The following DTNA variants were observed in gnomAD, a reference collection of about 807,000 sequenced individuals.
DTNA encodes the protein dystrobrevin alpha, also known as dystrophin-related protein 3.
Under a neutral mutation model 100.7 loss-of-function variants are expected in DTNA, and 43 were observed. That is an observed-to-expected ratio of 0.43 (90% CI 0.33 to 0.55). The LOEUF is 0.55. Among genes scored for constraint, DTNA ranks in the 20% least tolerant of loss-of-function variants. The pLI, the probability that DTNA is intolerant of heterozygous loss-of-function variation, is 0.04. For synonymous variants in DTNA, 349 were observed against 347.9 expected, an observed-to-expected ratio of 1.00 and a Z score of -0.04; for missense variants, 798 against 953.9, an observed-to-expected ratio of 0.84 and a Z score of 2.15.
At chr18:34,528,560 G>A (rs1352644826) in intron 1 of DTNA, among the ~76,000 whole-genome samples, 1 of 152,000 alleles carries the variant, frequency 6.6e-6, no homozygotes, top group Non-Finnish European at 1.5e-5. Flanking sequence ...AACTGCGAGT[G>A]TGTTAGGTTG....
intron 1 of DTNA, among the ~76,000 whole-genome samples, chr18:34,553,511 A>T (rs1601778090): frequency 6.6e-6 from 1 of 151,936 alleles, no homozygotes; most frequent in East Asian, 1.9e-4. Flanking sequence ...TTATGGTTTT[A>T]GGTCTAACGA....
intron 1 of DTNA, among the ~76,000 whole-genome samples, chr18:34,603,083 G>A (rs117935453): frequency 0.013 from 1,949 of 151,754 alleles, 22 homozygotes; most frequent in Non-Finnish European, 0.02. Flanking sequence ...TTAGCTGAGC[G>A]TGGTGGTGTG....
chr18:34,585,305 T>C (rs2146766023), intron 1 of DTNA, among the ~76,000 whole-genome samples: 1 of 152,268 alleles, frequency 6.6e-6, no homozygotes, highest in East Asian at 1.9e-4. Context: ...AAGAGGAATG[T>C]TGCATTTCTA....
chr18:34,711,980 G>C (rs1434721503), intron 1 of DTNA, among the ~76,000 whole-genome samples: 1 of 152,028 alleles, frequency 6.6e-6, no homozygotes, highest in Non-Finnish European at 1.5e-5. Flanking sequence ...CAAAACATGA[G>C]ATATTTTCAT....
At chr18:34,727,249 C>T (rs2086926183) in intron 1 of DTNA, among the ~76,000 whole-genome samples, 1 of 152,206 alleles carries the variant, frequency 6.6e-6, no homozygotes. Flanking sequence ...GAGGACTGTC[C>T]TGAAGCCTTC....
chr18:34,823,547 G>A (rs1408065967), intron 9 of DTNA, among the ~76,000 whole-genome samples: 4 of 152,194 alleles, frequency 2.6e-5, no homozygotes, highest in African/African-American at 9.7e-5. Flanking sequence ...TATTGTCATA[G>A]TGCAGAAATG....
At chr18:34,698,428 C>T (rs2080903621) in intron 1 of DTNA, among the ~76,000 whole-genome samples, 1 of 152,198 alleles carries the variant, frequency 6.6e-6, no homozygotes, top group Non-Finnish European at 1.5e-5. Context: ...TTCCAGTAGT[C>T]CTGGCATTCC....
intron 3 of DTNA, among the ~76,000 whole-genome samples, chr18:34,778,829 T>C (rs143686054): frequency 0.099 from 14,994 of 152,130 alleles, 941 homozygotes; most frequent in South Asian, 0.15. Context: ...GTTGTTGTTG[T>C]TGTTTTGAGA....
At chr18:34,586,800 G>A (rs568192015) in intron 1 of DTNA, among the ~76,000 whole-genome samples, 34 of 152,250 alleles carry the variant, frequency 2.2e-4, no homozygotes, top group Admixed American at 1.6e-3. Context: ...GTTCAAATAA[G>A]TAATCCAATA....
At chr18:34,507,321 C>T (rs2040589043) in intron 1 of DTNA, among the ~76,000 whole-genome samples, 1 of 152,112 alleles carries the variant, frequency 6.6e-6, no homozygotes, top group South Asian at 2.1e-4. Context: ...TAGTTTTGGA[C>T]CAGTACGTGC....
rs565330578 is a variant in DTNA at position 34,515,713 on chromosome 18, C to T, written c.-2+22199C>T. 3.9e-5 allele frequency among the ~76,000 whole-genome samples: 6 copies of T among 152,166 alleles called. No individual in the cohort carries two copies. In the East Asian group the frequency reaches 7.8e-4, roughly 20 times the overall value. ...CCTGTTTCCAGAGATTAGATTTTCT[C>T]GTAACCAACAAATGCTGTCCCAAAA... is the stretch of plus-strand genomic sequence containing the variant. On this transcript the variant is annotated intron_variant, in intron 1 of 19. Transcript: ENST00000283365.
chr18:34,775,476 C>T lies in DTNA; in HGVS notation c.148+9435C>T, dbSNP rs191728196. Among the ~76,000 whole-genome samples, 31 of 150,850 alleles carry T rather than the reference C, an allele frequency of 2.1e-4. No individual in the cohort carries two copies. The East Asian group carries it at 5.3e-3, about 26-fold the overall frequency. On this transcript the variant is annotated intron_variant, in intron 3 of 22. Transcript: ENST00000444659. ...ACTCCTGGGCGACAGAGCGAGACTC[C>T]ATCTCAAAAAAAAATAAAAATAAAT... is the stretch of plus-strand genomic sequence containing the variant.
At chr18:34,735,075 T>C (rs557703948) in intron 1 of DTNA, among the ~76,000 whole-genome samples, 7 of 151,916 alleles carry the variant, frequency 4.6e-5, no homozygotes, top group East Asian at 3.9e-4. Flanking sequence ...CATATATATA[T>C]ACACACACAC....
At chr18:34,657,459 T>C (rs1242976317) in intron 1 of DTNA, among the ~76,000 whole-genome samples, 3 of 152,234 alleles carry the variant, frequency 2.0e-5, no homozygotes, top group Non-Finnish European at 4.4e-5. Context: ...TAAGAAACAA[T>C]TTCCTTTGAG....
intron 21 of DTNA, 25 bp downstream of exon 21, chr18:34,882,226 C>T: frequency 6.2e-7 from 1 of 1,612,798 alleles, no homozygotes. Flanking sequence ...GCCCACCCCA[C>T]CCCACCTCTT....
At chr18:34,785,486 A>G (rs551511697) in intron 3 of DTNA, among the ~76,000 whole-genome samples, 1 of 152,240 alleles carries the variant, frequency 6.6e-6, no homozygotes, top group East Asian at 1.9e-4. Context: ...TAATGCCTAA[A>G]ATTTATATAG....
intron 4 of DTNA, among the ~76,000 whole-genome samples, chr18:34,797,447 G>C (rs2095029569): frequency 6.6e-6 from 1 of 152,084 alleles, no homozygotes. Context: ...GATCACCCCA[G>C]GAACTGGCCT....
At chr18:34,637,109 C>T (rs190834168) in intron 1 of DTNA, among the ~76,000 whole-genome samples, 11 of 152,266 alleles carry the variant, frequency 7.2e-5, no homozygotes, top group South Asian at 2.1e-4. Flanking sequence ...ACCTTGCTTG[C>T]GTAATTGCTG....
At position 34,848,294 on chromosome 18, in the gene DTNA, A is replaced by G; in HGVS notation, c.1347-2A>G. On this transcript the variant is annotated splice_acceptor_variant, in intron 13 of 22. Coordinates refer to ENST00000444659, the MANE Select transcript of DTNA (RefSeq NM_001386795.1). LOFTEE classifies it high-confidence loss of function. ...GTCTCCTTCTTGCTTTGTTCTTAAT[A>G]GCATGCTTGAGAGTTCAAACCGGCT... 6.2e-7 allele frequency: 1 copy of G among 1,613,894 alleles called. No homozygotes were observed. The highest frequency in any genetic ancestry group is 8.5e-7 in the Non-Finnish European group (1 of 1,179,844).
Sources: gnomAD v4.1 joint callset for allele counts (sites outside exome capture counted in the v4.1 genomes callset) on GRCh38, gnomAD v4.1.1 for gene constraint, MANE v1.5 for transcripts, NCBI Gene and HGNC (gene_info 2026-07-23, HGNC 2026-07-21) for gene names.